The following CSNK1G2 variants were observed in gnomAD, a reference collection of about 807,000 sequenced individuals.
The protein encoded by CSNK1G2 is casein kinase 1 gamma 2, also known as casein kinase I isoform gamma-2.
In CSNK1G2, 11 loss-of-function variants were observed where a neutral mutation model predicts 48.0. That is an observed-to-expected ratio of 0.23 (90% confidence interval 0.14 to 0.38). The LOEUF is 0.38. CSNK1G2 is among the 10% of genes least tolerant of loss of function. CSNK1G2 has a pLI of 1.00. For synonymous variants in CSNK1G2, 337 were observed against 254.1 expected, an observed-to-expected ratio of 1.33 and a Z score of -3.10; for missense variants, 446 against 595.5, an observed-to-expected ratio of 0.75 and a Z score of 2.61.
At chr19:1,956,577 T>C in intron 1 of CSNK1G2, among the ~76,000 whole-genome samples, 1 of 152,244 alleles carries the variant, frequency 6.6e-6, no homozygotes, top group East Asian at 1.9e-4. Context: ...ACCCGGCAGC[T>C]GTGGCTGTGG....
intron 1 of CSNK1G2, among the ~76,000 whole-genome samples, chr19:1,964,865 A>G (rs951590963): frequency 6.6e-6 from 1 of 151,256 alleles, no homozygotes; most frequent in Non-Finnish European, 1.5e-5. Context: ...AGCTGGGACT[A>G]CAGGAGCCCA....
At chr19:1,977,035 G>A (rs986416727) in intron 2 of CSNK1G2, among the ~76,000 whole-genome samples, 4 of 152,214 alleles carry the variant, frequency 2.6e-5, no homozygotes, top group African/African-American at 7.2e-5. Context: ...CACCGTGCCC[G>A]GCCACAGAGG....
At chr19:1,976,498 C>T (rs1465209269) in intron 2 of CSNK1G2, among the ~76,000 whole-genome samples, 1 of 152,240 alleles carries the variant, frequency 6.6e-6, no homozygotes, top group African/African-American at 2.4e-5. Context: ...CCAGAAGGAG[C>T]CCCAGCGATT....
chr19:1,975,225 G>A, intron 2 of CSNK1G2: 1 of 985,500 alleles, frequency 1.0e-6, no homozygotes, highest in Non-Finnish European at 1.2e-6. Flanking sequence ...GGAGGACGTT[G>A]GCGAGCATCC....
At position 1,978,382 on chromosome 19, in the gene CSNK1G2, C is replaced by T. The variant is rs367790497; in HGVS notation, c.228+37C>T. 21 of 1,605,852 alleles carry T rather than the reference C, an allele frequency of 1.3e-5. No individual in the cohort carries two copies. The highest frequency in any genetic ancestry group is 1.1e-4 in the African/African-American group (8 of 74,700). The stretch of plus-strand genomic sequence containing the variant: ...CCTCCACCCCACCCCCGCTGACGTG[C>T]CCCCCAGGGATTTCAGGGCAGCGAC... On this transcript the variant is annotated intron_variant, in intron 3 of 11. Transcript: ENST00000255641. This position sits in a 1 kb window ranked among gnomAD's most constrained non-coding sequence, Gnocchi z 7.3.
chr19:1,975,837 A>G (rs1166310566), intron 2 of CSNK1G2: 26 of 898,370 alleles, frequency 2.9e-5, no homozygotes, highest in Non-Finnish European at 3.5e-5. Context: ...GGAGTTCGAG[A>G]CCAGCCTGGA....
rs961453900 is a variant in CSNK1G2 at position 1,980,558 on chromosome 19, C to G, written c.*355C>G. The G allele has an allele frequency of 2.9e-5, 9 of 305,086 alleles. No individual in the cohort carries two copies. Among genetic ancestry groups the G allele is most frequent in the South Asian group, 1.7e-4 (5 of 29,492 alleles). 18.9% of individuals were successfully genotyped at this position (305,086 alleles called of 1,614,324 possible). A position where few individuals can be genotyped will look rare whatever the true frequency, so the allele number is the denominator to read the frequency against. ...GAGTAGTGTGATCCTGGAGGCCCCC[C>G]GGCCTGGCCCCGCCCCGCCAGCCGC... On this transcript the variant is annotated 3_prime_UTR_variant, in exon 12 of 12. Coordinates refer to ENST00000255641, the MANE Select transcript of CSNK1G2 (RefSeq NM_001319.7).
intron 1 of CSNK1G2, among the ~76,000 whole-genome samples, chr19:1,944,334 G>T (rs537574927): frequency 2.7e-4 from 41 of 152,260 alleles, no homozygotes; most frequent in Non-Finnish European, 5.0e-4. Flanking sequence ...GGGAGGCTCC[G>T]CGTCTGCTTC....
At chr19:1,975,766 T>A in intron 2 of CSNK1G2, 1 of 985,272 alleles carries the variant, frequency 1.0e-6, no homozygotes, top group South Asian at 4.7e-5. Flanking sequence ...CCAGGCACAG[T>A]GGCTCACGCC....
intron 1 of CSNK1G2, among the ~76,000 whole-genome samples, chr19:1,955,734 C>T (rs1335799547): frequency 6.6e-6 from 1 of 152,170 alleles, no homozygotes; most frequent in Admixed American, 6.5e-5. Flanking sequence ...GACCCCCGTG[C>T]CACTGCTGTC....
chr19:1,978,687 C>G lies in CSNK1G2; in HGVS notation c.384C>G (p.Asp128Glu). Residue 128 changes from aspartate to glutamate, a missense_variant, in exon 5 of 12, where the codon GAC becomes GAG. By Grantham distance (45) the Asp-to-Glu change is conservative. Transcript: ENST00000255641. The surrounding 1 kb of genome is among the most constrained non-coding windows in gnomAD (Gnocchi z 7.3). Reference protein sequence around the residue: ...VLELLGPSLEDLFDLCDRTFT... With the variant: ...VLELLGPSLEELFDLCDRTFT... ...AGCTGCTGGGGCCCAGCCTGGAGGA[C>G]CTGTTCGACCTGTGCGACCGGACCT... is the stretch of plus-strand genomic sequence containing the variant. 1 of 1,606,808 alleles carries G rather than the reference C, an allele frequency of 6.2e-7. No homozygotes were observed. The highest frequency in any genetic ancestry group is 8.5e-7 in the Non-Finnish European group (1 of 1,177,062).
At chr19:1,970,179 T>G (rs773982375) in intron 2 of CSNK1G2, among the ~76,000 whole-genome samples, 2 of 152,222 alleles carry the variant, frequency 1.3e-5, no homozygotes, top group African/African-American at 2.4e-5. Flanking sequence ...CCCTGTCACC[T>G]TTTCGGGAAA....
At chr19:1,976,011 G>A in intron 2 of CSNK1G2, 2 of 1,233,842 alleles carry the variant, frequency 1.6e-6, no homozygotes, top group Non-Finnish European at 2.1e-6. Context: ...CTCCAGCCTG[G>A]GCAACAGAAC....
chr19:1,962,353 C>A (rs1182768703), intron 1 of CSNK1G2, among the ~76,000 whole-genome samples: 2 of 150,292 alleles, frequency 1.3e-5, no homozygotes, highest in South Asian at 2.1e-4. Context: ...AAAAAGCACA[C>A]CCCCAGCATG....
intron 1 of CSNK1G2, among the ~76,000 whole-genome samples, chr19:1,960,843 C>T (rs980476843): frequency 2.6e-5 from 4 of 152,132 alleles, no homozygotes; most frequent in East Asian, 1.9e-4. Context: ...GAGCCGAGAT[C>T]GCACCACTAC....
In CSNK1G2 at chr19:1,969,974, G is replaced by A. The variant is rs375358119; in HGVS notation, c.187+15G>A. ...GCTCCGCCTAGGTGAGGCCCTGCTC[G>A]GTGGTAGGTGGGGTCGGGAGGCTGC... On this transcript the variant is annotated intron_variant, in intron 2 of 11. Coordinates refer to ENST00000255641, the MANE Select transcript of CSNK1G2 (RefSeq NM_001319.7). 31 of 1,301,806 alleles carry A rather than the reference G, an allele frequency of 2.4e-5. No individual in the cohort carries two copies. The highest frequency in any genetic ancestry group is 1.3e-4 in the South Asian group (4 of 31,532). The allele number at this position is 1,301,806 out of a possible 1,614,324, so 80.6% of individuals were successfully genotyped here.
In CSNK1G2 at chr19:1,978,720, C is replaced by G. The variant is rs1430100346; in HGVS notation, c.417C>G (p.Leu139=). 3 of 1,587,160 alleles carry G rather than the reference C, an allele frequency of 1.9e-6. No individual in the cohort carries two copies. Among genetic ancestry groups the G allele is most frequent in the Non-Finnish European group, 2.6e-6 (3 of 1,166,190 alleles). ...LFDLCDRTFT[L]KTVLMIAIQL... is the part of the protein sequence containing the mutation. ...ACCTGTGCGACCGGACCTTCACGCT[C>G]AAGACGGTGCTGATGATCGCCATCC... The change falls in exon 5 of 12, where the codon CTC becomes CTG. Residue 139 remains leucine, a synonymous_variant. Transcript: ENST00000255641. The surrounding 1 kb of genome is among the most constrained non-coding windows in gnomAD (Gnocchi z 7.3).
intron 1 of CSNK1G2, among the ~76,000 whole-genome samples, chr19:1,943,745 G>A (rs892101594): frequency 2.6e-5 from 4 of 152,226 alleles, no homozygotes; most frequent in African/African-American, 9.7e-5. Context: ...AGGGACAGCC[G>A]GAGTTGCTTG....
intron 1 of CSNK1G2, among the ~76,000 whole-genome samples, chr19:1,942,851 C>T (rs2014419173): frequency 6.6e-6 from 1 of 152,154 alleles, no homozygotes; most frequent in African/African-American, 2.4e-5. Context: ...GTTTTGTTTT[C>T]CCCTGTGTCT....
Sources: allele counts gnomAD v4.1 joint callset (sites outside exome capture counted in the v4.1 genomes callset), GRCh38; gene constraint gnomAD v4.1.1; non-coding constraint Gnocchi (gnomAD v3.1); transcripts MANE v1.5; gene names NCBI Gene and HGNC (gene_info 2026-07-23, HGNC 2026-07-21).